The following DLGAP2 variants were observed in gnomAD, a reference collection of about 807,000 sequenced individuals.
DLGAP2 encodes the protein disks large-associated protein 2.
DLGAP2 carries 26 observed loss-of-function variants against 100.3 expected under a neutral mutation model. The observed-to-expected ratio is 0.26, with a 90% CI of 0.19 to 0.36. DLGAP2 has a LOEUF of 0.36. Ranked by LOEUF, DLGAP2 falls within the 10% of genes least tolerant of loss-of-function variation. The pLI is 1.00. For missense variants in DLGAP2, 1,858 were observed against 1,453.2 expected (o/e 1.28, Z -4.53); for synonymous variants, 886 against 630.1 (o/e 1.41, Z -6.08).
intron 3 of DLGAP2, among the ~76,000 whole-genome samples, chr8:1,298,417 C>G (rs886729210): frequency 8.5e-5 from 13 of 152,158 alleles, no homozygotes; most frequent in Non-Finnish European, 2.9e-5. Context: ...CCAGGAAGCC[C>G]TGGATCACAG....
At chr8:1,674,669 C>G (rs1336714182) in intron 10 of DLGAP2, among the ~76,000 whole-genome samples, 1 of 152,140 alleles carries the variant, frequency 6.6e-6, no homozygotes, top group Non-Finnish European at 1.5e-5. Context: ...GTGCAAATAC[C>G]TCTGACCCAG....
chr8:1,217,024 G>C (rs1472421298), intron 2 of DLGAP2, among the ~76,000 whole-genome samples: 1 of 152,110 alleles, frequency 6.6e-6, no homozygotes, highest in Non-Finnish European at 1.5e-5. Context: ...AAATTGCCTA[G>C]CTGGGGTTTG....
intron 3 of DLGAP2, among the ~76,000 whole-genome samples, chr8:1,348,593 T>TAGAG (rs1801626289): frequency 1.6e-4 from 20 of 123,218 alleles, no homozygotes; most frequent in Non-Finnish European, 3.2e-4. Flanking sequence ...CCCATTAACA[T>TAGAG]CTGCATTGCA....
intron 2 of DLGAP2, among the ~76,000 whole-genome samples, chr8:1,019,950 C>T (rs951745655): frequency 1.3e-5 from 2 of 152,264 alleles, no homozygotes; most frequent in East Asian, 3.9e-4. Context: ...GTTGTTTCCC[C>T]AGCAGCACGA....
intron 12 of DLGAP2, among the ~76,000 whole-genome samples, chr8:1,689,125 G>A (rs1052168643): frequency 2.0e-5 from 3 of 152,200 alleles, no homozygotes; most frequent in Non-Finnish European, 2.9e-5. Flanking sequence ...GAACCTACAC[G>A]AGGATTGGGT....
chr8:957,689 C>T (rs1799627387), intron 2 of DLGAP2, among the ~76,000 whole-genome samples: 1 of 152,010 alleles, frequency 6.6e-6, no homozygotes, highest in African/African-American at 2.4e-5. Flanking sequence ...AATGCCTTAC[C>T]CTTGTCAGTC....
chr8:935,164 T>C (rs968231863), intron 2 of DLGAP2, among the ~76,000 whole-genome samples: 1 of 152,210 alleles, frequency 6.6e-6, no homozygotes, highest in Non-Finnish European at 1.5e-5. Context: ...CTCGGGAGTG[T>C]TGGAAACAGC....
At chr8:1,292,960 C>T (rs964485477) in intron 3 of DLGAP2, among the ~76,000 whole-genome samples, 14 of 152,162 alleles carry the variant, frequency 9.2e-5, no homozygotes, top group Admixed American at 5.2e-4. Flanking sequence ...TGGGCGTGTC[C>T]GTCTCCCCCA....
intron 3 of DLGAP2, among the ~76,000 whole-genome samples, chr8:1,430,267 G>A (rs1038540145): frequency 4.6e-5 from 7 of 151,524 alleles, no homozygotes; most frequent in Non-Finnish European, 7.4e-5. Context: ...ATAAGCATTC[G>A]AAATCCTCCT....
At chr8:802,140 G>A (rs1382329241) in intron 1 of DLGAP2, among the ~76,000 whole-genome samples, 97 of 148,616 alleles carry the variant, frequency 6.5e-4, no homozygotes, top group African/African-American at 1.6e-3. Context: ...TCACGGCCTG[G>A]GGAATGGTCC....
chr8:1,309,233 G>C (rs1223330526), intron 3 of DLGAP2, among the ~76,000 whole-genome samples: 2 of 152,256 alleles, frequency 1.3e-5, no homozygotes, highest in East Asian at 3.9e-4. Flanking sequence ...GGAAAGATGT[G>C]AATATACAAA....
chr8:844,705 T>C (rs1310723128), intron 1 of DLGAP2, among the ~76,000 whole-genome samples: 1 of 152,248 alleles, frequency 6.6e-6, no homozygotes, highest in Non-Finnish European at 1.5e-5. Flanking sequence ...CAGTAAATGT[T>C]ATCTTTTATT....
chr8:984,256 C>G (rs1198956858), intron 2 of DLGAP2, among the ~76,000 whole-genome samples: 1 of 152,216 alleles, frequency 6.6e-6, no homozygotes, highest in Non-Finnish European at 1.5e-5. Context: ...CTGTTTTCTT[C>G]TATGCGAGGT....
At chr8:1,154,082 GAAAT>G (rs1796739562) in intron 2 of DLGAP2, among the ~76,000 whole-genome samples, 2 of 152,120 alleles carry the variant, frequency 1.3e-5, no homozygotes, top group Non-Finnish European at 2.9e-5. Context: ...GCAGGAAAAA[GAAAT>G]AAGGAACTAA....
intron 1 of DLGAP2, among the ~76,000 whole-genome samples, chr8:850,893 A>G (rs1443740035): frequency 6.6e-6 from 1 of 152,116 alleles, no homozygotes; most frequent in Admixed American, 6.5e-5. Flanking sequence ...TTTTTCTCAC[A>G]AAATATTGTC....
At chr8:952,102 G>C (rs1799495514) in intron 2 of DLGAP2, among the ~76,000 whole-genome samples, 1 of 152,164 alleles carries the variant, frequency 6.6e-6, no homozygotes, top group Non-Finnish European at 1.5e-5. Flanking sequence ...TTCTCTCCAG[G>C]TGTGGAGGAG....
chr8:1,284,221 G>C (rs1484744438), intron 3 of DLGAP2, among the ~76,000 whole-genome samples: 5 of 152,310 alleles, frequency 3.3e-5, no homozygotes, highest in Middle Eastern at 3.4e-3. Flanking sequence ...CATTTAAGGA[G>C]TCCACTGCAG....
intron 8 of DLGAP2, among the ~76,000 whole-genome samples, chr8:1,639,932 C>G (rs1797857682): frequency 6.6e-6 from 1 of 152,214 alleles, no homozygotes; most frequent in Non-Finnish European, 1.5e-5. Flanking sequence ...CTCCCCATCT[C>G]AAAATCCTGA....
intron 3 of DLGAP2, among the ~76,000 whole-genome samples, chr8:1,476,429 C>T (rs1413982050): frequency 1.3e-5 from 2 of 152,202 alleles, no homozygotes; most frequent in African/African-American, 2.4e-5. Context: ...ACTCCAAGGG[C>T]GTCACCTGTT....
Sources: gnomAD v4.1 joint callset for allele counts (sites outside exome capture counted in the v4.1 genomes callset) on GRCh38, gnomAD v4.1.1 for gene constraint, MANE v1.5 for transcripts, NCBI Gene and HGNC (gene_info 2026-07-23, HGNC 2026-07-21) for gene names.